Variants in MTMR3 observed in about 807,000 individuals in gnomAD.
MTMR3 encodes the protein phosphatidylinositol-3,5-bisphosphate 3-phosphatase MTMR3.
Under a neutral mutation model 132.4 loss-of-function variants are expected in MTMR3, and 32 were observed. The observed-to-expected ratio is 0.24, with a 90% CI of 0.18 to 0.32. MTMR3 has a LOEUF of 0.32. Ranked by LOEUF, MTMR3 falls within the 10% of genes least tolerant of loss-of-function variation. The pLI, the probability that MTMR3 is intolerant of heterozygous loss-of-function variation, is 1.00. For missense variants in MTMR3, 1,216 were observed against 1,489.6 expected, an observed-to-expected ratio of 0.82 and a Z score of 3.02; for synonymous variants, 556 against 550.3, an observed-to-expected ratio of 1.01 and a Z score of -0.14.
chr22:30,022,811 C>A, intron 19 of MTMR3, 114 bp downstream of exon 19: 1 of 925,012 alleles, frequency 1.1e-6, no homozygotes, highest in Non-Finnish European at 1.7e-6. Flanking sequence ...GAGGCAGAGC[C>A]ATGGTCTCAT....
intron 1 of MTMR3, among the ~76,000 whole-genome samples, chr22:29,911,519 G>A (rs2065212172): frequency 6.6e-6 from 1 of 151,980 alleles, no homozygotes; most frequent in Non-Finnish European, 1.5e-5. Context: ...GTCCAGCCTG[G>A]GTGACAGAGT....
intron 1 of MTMR3, among the ~76,000 whole-genome samples, chr22:29,939,725 G>A (rs1250712640): frequency 2.6e-5 from 4 of 151,964 alleles, no homozygotes; most frequent in East Asian, 2.0e-4. Flanking sequence ...TGGTATGGCC[G>A]TAGGCAGTAT....
chr22:29,974,223 A>ATT (rs1569031545), intron 3 of MTMR3, among the ~76,000 whole-genome samples: 1 of 152,190 alleles, frequency 6.6e-6, no homozygotes, highest in African/African-American at 2.4e-5. Flanking sequence ...TTCCCAATTT[A>ATT]TCTTCTTCCA....
rs374118891 is a variant in MTMR3, at chr22:29,945,328, A to G, written c.-137-11708A>G. 2.0e-4 allele frequency among the ~76,000 whole-genome samples: 31 copies of G among 152,282 alleles called. No homozygotes were observed. The East Asian group carries it at 2.9e-3, about 14-fold the overall frequency. Reference sequence around the variant, plus strand: ...CCTGGAAATGTAAATAATTATAATGACATGTAGTAAGCATTATAAATAAGA... The same window carrying G: ...CCTGGAAATGTAAATAATTATAATGGCATGTAGTAAGCATTATAAATAAGA... On this transcript the variant is annotated intron_variant, in intron 1 of 19. Coordinates refer to ENST00000401950, the MANE Select transcript of MTMR3 (RefSeq NM_021090.4).
chr22:30,013,112 T>G (rs2067476346), intron 13 of MTMR3: 1 of 319,398 alleles, frequency 3.1e-6, no homozygotes. Flanking sequence ...AAAATACACA[T>G]TCAAGAAAGG....
At chr22:30,017,844 G>GTGCT in intron 15 of MTMR3, 83 bp from the exon 16 acceptor site, 2 of 1,566,258 alleles carry the variant, frequency 1.3e-6, no homozygotes, top group East Asian at 4.5e-5. Flanking sequence ...TTCCAGCTGG[G>GTGCT]TGCTTGCTCT....
At chr22:30,019,215 AAAAG>A (rs1296641495) in intron 16 of MTMR3, 3 of 359,624 alleles carry the variant, frequency 8.3e-6, no homozygotes, top group South Asian at 1.0e-4. Flanking sequence ...AAAAAAAAAA[AAAAG>A]AAAATAGCAC....
chr22:29,932,025 C>A (rs1013405287), intron 1 of MTMR3, among the ~76,000 whole-genome samples: 5 of 152,160 alleles, frequency 3.3e-5, no homozygotes, highest in Admixed American at 6.5e-5. Context: ...CTCAGAGATA[C>A]ACTAATGTTG....
At chr22:29,977,861 G>A (rs562826793) in intron 3 of MTMR3, among the ~76,000 whole-genome samples, 5 of 152,260 alleles carry the variant, frequency 3.3e-5, no homozygotes, top group Non-Finnish European at 7.4e-5. Flanking sequence ...TAAAAGTAGT[G>A]TGGGGCTGGG....
chr22:30,022,726 G>A, intron 19 of MTMR3, 29 bp downstream of exon 19: 1 of 1,585,370 alleles, frequency 6.3e-7, no homozygotes, highest in Non-Finnish European at 8.6e-7. Flanking sequence ...GGTAGGGTGG[G>A]CTGTGTGTGG....
At chr22:29,937,702 A>C (rs1052146988) in intron 1 of MTMR3, among the ~76,000 whole-genome samples, 1 of 152,242 alleles carries the variant, frequency 6.6e-6, no homozygotes, top group African/African-American at 2.4e-5. Context: ...TAGGGAGTAT[A>C]TATTCAGGGC....
chr22:29,966,763 G>T (rs139158846), intron 2 of MTMR3, among the ~76,000 whole-genome samples: 1 of 132,928 alleles, frequency 7.5e-6, no homozygotes, highest in Non-Finnish European at 1.6e-5. Flanking sequence ...GTGTGTGTGT[G>T]TGTGTGTGTC....
At chr22:29,899,966 C>T (rs1266534166) in intron 1 of MTMR3, among the ~76,000 whole-genome samples, 7 of 147,668 alleles carry the variant, frequency 4.7e-5, no homozygotes, top group South Asian at 2.2e-4. Flanking sequence ...CTGCTGAGTT[C>T]GTCGTCTTTT....
chr22:29,906,360 C>G (rs2065103908), intron 1 of MTMR3, among the ~76,000 whole-genome samples: 1 of 151,926 alleles, frequency 6.6e-6, no homozygotes, highest in Non-Finnish European at 1.5e-5. Context: ...ATGACGGAGT[C>G]TTGCTTTGTT....
At chr22:29,921,854 C>CTT (rs753433565) in intron 1 of MTMR3, among the ~76,000 whole-genome samples, 2 of 118,258 alleles carry the variant, frequency 1.7e-5, no homozygotes, top group African/African-American at 3.1e-5. Context: ...TTTTTTTTTT[C>CTT]TTTTTTTTTT....
chr22:29,916,540 G>A (rs1214522722), intron 1 of MTMR3, among the ~76,000 whole-genome samples: 1 of 137,094 alleles, frequency 7.3e-6, no homozygotes, highest in African/African-American at 2.8e-5. Context: ...TAATTTGCTT[G>A]TCTTCTCTCA....
At chr22:29,918,200 G>T (rs1459480171) in intron 1 of MTMR3, among the ~76,000 whole-genome samples, 1 of 152,200 alleles carries the variant, frequency 6.6e-6, no homozygotes, top group African/African-American at 2.4e-5. Flanking sequence ...GTGTTGAGGG[G>T]CATCATCTGT....
At chr22:29,896,869 T>TCACTCA (rs1555892694) in intron 1 of MTMR3, among the ~76,000 whole-genome samples, 1 of 138,148 alleles carries the variant, frequency 7.2e-6, no homozygotes, top group Non-Finnish European at 1.5e-5. Flanking sequence ...CAGGCTTGTC[T>TCACTCA]CACACACACA....
At chr22:29,916,841 T>G (rs1035833549) in intron 1 of MTMR3, among the ~76,000 whole-genome samples, 2 of 152,222 alleles carry the variant, frequency 1.3e-5, no homozygotes, top group African/African-American at 4.8e-5. Context: ...AATAAATGTT[T>G]AGCCTTTGTA....
Sources: gnomAD v4.1 joint callset for allele counts (sites outside exome capture counted in the v4.1 genomes callset) on GRCh38, gnomAD v4.1.1 for gene constraint, MANE v1.5 for transcripts, NCBI Gene and HGNC (gene_info 2026-07-23, HGNC 2026-07-21) for gene names.